The following MYO9A variants were observed in gnomAD, a reference collection of about 807,000 sequenced individuals.
MYO9A encodes unconventional myosin-IXa.
MYO9A carries 103 observed loss-of-function variants against 293.3 expected under a neutral mutation model. The ratio of observed to expected loss-of-function variants is 0.35; its 90% CI spans 0.30 to 0.41. The LOEUF (loss-of-function observed/expected upper bound fraction) is 0.41, where lower values mean the gene tolerates loss of function less well. Among genes scored for constraint, MYO9A ranks in the 10% least tolerant of loss-of-function variants. The pLI is 1.00. For missense variants in MYO9A, 2,685 were observed against 3,033.0 expected, an observed-to-expected ratio of 0.89 and a Z score of 2.69; for synonymous variants, 1,001 against 1,035.7, an observed-to-expected ratio of 0.97 and a Z score of 0.64.
rs566907798 is a variant in MYO9A at position 71,932,794 on chromosome 15, G to T, written c.2562+876C>A. 3.3e-5 allele frequency among the ~76,000 whole-genome samples: 5 copies of T among 152,044 alleles called. No homozygotes were observed. In the South Asian group the frequency reaches 1.0e-3, roughly 32 times the overall value. On this transcript the variant is annotated intron_variant, in intron 18 of 41. Coordinates refer to ENST00000356056, the MANE Select transcript of MYO9A (RefSeq NM_006901.4). The stretch of plus-strand genomic sequence containing the variant: ...ATCTACTACTGCATGTAATTATTTT[G>T]AGATTCATTCACGTTGTTACACGCA...
chr15:72,009,294 C>T (rs2077106342), intron 7 of MYO9A, among the ~76,000 whole-genome samples: 1 of 152,030 alleles, frequency 6.6e-6, no homozygotes, highest in Non-Finnish European at 1.5e-5. Flanking sequence ...TTTTAATTGA[C>T]TTCTCATAAA....
chr15:71,824,972 T>A lies in MYO9A; in HGVS notation c.*1608A>T, dbSNP rs2054411736. The A allele has an allele frequency of 6.6e-6, 1 of 152,036 alleles. No individual in the cohort carries two copies. Among genetic ancestry groups the A allele is most frequent in the Non-Finnish European group, 1.5e-5 (1 of 68,016 alleles). The allele number at this position is 152,036 out of a possible 1,614,324, so 9.4% of individuals were successfully genotyped here. A position where few individuals can be genotyped will look rare whatever the true frequency, so the allele number is the denominator to read the frequency against. ...TAATATTTCCACAACTTCAAAGAAG[T>A]ATGAAAAGGAAGAATACCCAAAATA... On this transcript the variant is annotated 3_prime_UTR_variant, in exon 42 of 42. Coordinates refer to ENST00000356056, the MANE Select transcript of MYO9A (RefSeq NM_006901.4).
chr15:72,029,300 C>T (rs1318290016), intron 3 of MYO9A, among the ~76,000 whole-genome samples: 1 of 152,138 alleles, frequency 6.6e-6, no homozygotes, highest in Non-Finnish European at 1.5e-5. Flanking sequence ...CTGAGAAATG[C>T]ATCATTAGAC....
intron 1 of MYO9A, among the ~76,000 whole-genome samples, chr15:72,077,745 AAAAAAAAAT>A (rs1203417618): frequency 0.011 from 488 of 43,496 alleles, 2 homozygotes; most frequent in African/African-American, 0.016. Context: ...AAAAAAAAAA[AAAAAAAAAT>A]ATATATATAT....
chr15:72,052,149 T>C (rs557859164), intron 1 of MYO9A, among the ~76,000 whole-genome samples: 2 of 151,438 alleles, frequency 1.3e-5, no homozygotes, highest in African/African-American at 2.4e-5. Flanking sequence ...GAGAAGATGA[T>C]GGGACAACCA....
chr15:71,916,462 G>A lies in MYO9A; in HGVS notation c.2593C>T (p.Leu865=), dbSNP rs761628883. 7.5e-6 allele frequency: 12 copies of A among 1,610,340 alleles called. No homozygotes were observed. The highest frequency in any genetic ancestry group is 1.0e-5 in the Non-Finnish European group (12 of 1,178,660). ...CGATCTTGTAGTGTCAGTCTTGTCA[G>A]GTGCTTTAAAGAATTTACTTCTAGC... ...HLLEVNSLKH[L]TRLTLQDRIT... Residue 865 remains leucine, a synonymous_variant, in exon 19 of 42, where the codon CTG becomes TTG. Coordinates refer to ENST00000356056, the MANE Select transcript of MYO9A (RefSeq NM_006901.4).
Position 71,895,414 on chromosome 15 carries a change from A to G in MYO9A, c.5043-1636T>C, listed in dbSNP as rs545035850. On this transcript the variant is annotated intron_variant, in intron 25 of 41. Transcript: ENST00000356056. ...TGTGTACTCATCACCACTACAGTAC[A>G]AAAGGGACACTAACCTAGTATTACT... 1.2e-4 allele frequency among the ~76,000 whole-genome samples: 19 copies of G among 152,342 alleles called. No homozygotes were observed. In the South Asian group the frequency reaches 3.9e-3, roughly 32 times the overall value.
At position 72,108,762 on chromosome 15, in the gene MYO9A, A is replaced by ATTTTTTTTTTTTTTTT. The variant is rs3028363; in HGVS notation, c.-72+8902_-72+8917dup. On this transcript the variant is annotated intron_variant, in intron 1 of 41. Transcript: ENST00000356056. The stretch of plus-strand genomic sequence containing the variant: ...GCAGTAAACTTGTCATGACACATAC[A>ATTTTTTTTTTTTTTTT]TTTTTTTTTTTTTTTTTGAGACAGA... Among the ~76,000 whole-genome samples the ATTTTTTTTTTTTTTTT allele has an allele frequency of 2.9e-5, 4 of 139,242 alleles. 2 individuals carry two copies. The highest frequency in any genetic ancestry group is 3.1e-5 in the Non-Finnish European group (2 of 65,294). 91.3% of individuals were successfully genotyped at this position (139,242 alleles called of 152,430 possible). A position where few individuals can be genotyped will look rare whatever the true frequency, so the allele number is the denominator to read the frequency against.
chr15:72,076,745 T>C (rs139151717), intron 1 of MYO9A, among the ~76,000 whole-genome samples: 44 of 152,276 alleles, frequency 2.9e-4, no homozygotes, highest in African/African-American at 4.8e-4. Context: ...GACAAACTTA[T>C]ATCGTTTATA....
At chr15:72,091,598 C>A (rs1000132173) in intron 1 of MYO9A, among the ~76,000 whole-genome samples, 7 of 151,828 alleles carry the variant, frequency 4.6e-5, no homozygotes, top group Non-Finnish European at 7.4e-5. Context: ...GCCTTAATTT[C>A]TTCATATTCA....
Position 72,027,733 on chromosome 15 carries a change from T to C in MYO9A, c.996A>G (p.Glu332=), listed in dbSNP as rs1596411494. The change falls in exon 4 of 42, where the codon GAA becomes GAG. Residue 332 remains glutamate (E), a splice_region_variant and synonymous_variant. Transcript: ENST00000356056. Reference sequence around the variant, plus strand: ...ATTACACAAATAAAAATACGTACCGTTCATTATGCTCCTGATAAACGAGTC... The same window carrying C: ...ATTACACAAATAAAAATACGTACCGCTCATTATGCTCCTGATAAACGAGTC... ...KSRLVYQEHN[E]RNYHVFYYLL... 2 of 1,604,034 alleles carry C rather than the reference T, an allele frequency of 1.2e-6. No homozygotes were observed. The highest frequency in any genetic ancestry group is 1.7e-6 in the Non-Finnish European group (2 of 1,175,014).
rs1317169490 is a variant in MYO9A at position 72,117,852 on chromosome 15, G to A, written c.-244C>T. 2 of 398,482 alleles carry A rather than the reference G, an allele frequency of 5.0e-6. No homozygotes were observed. The highest frequency in any genetic ancestry group is 8.9e-6 in the Non-Finnish European group (2 of 225,870). 24.7% of individuals were successfully genotyped at this position (398,482 alleles called of 1,614,324 possible). ...CTCAGGGTCCGGGCGAGCGGCCGCG[G>A]CGCATCCCCCGCCCTGTCAGAGAGA... On this transcript the variant is annotated 5_prime_UTR_variant, in exon 1 of 42. Coordinates refer to ENST00000356056, the MANE Select transcript of MYO9A (RefSeq NM_006901.4).
At chr15:71,882,881 T>C (rs1446455516) in intron 28 of MYO9A, among the ~76,000 whole-genome samples, 1 of 152,192 alleles carries the variant, frequency 6.6e-6, no homozygotes, top group African/African-American at 2.4e-5. Context: ...CACAGCTCAC[T>C]GCAGCCTCAA....
chr15:72,089,730 A>G (rs1024610871), intron 1 of MYO9A, among the ~76,000 whole-genome samples: 37 of 152,328 alleles, frequency 2.4e-4, no homozygotes, highest in African/African-American at 8.7e-4. Flanking sequence ...ACAGTGAGCC[A>G]TGATCTCACT....
chr15:71,952,528 C>A (rs1472049932), intron 14 of MYO9A, among the ~76,000 whole-genome samples: 1 of 152,026 alleles, frequency 6.6e-6, no homozygotes, highest in Non-Finnish European at 1.5e-5. Context: ...TAGAAGAGAG[C>A]ACATTCAAGT....
At chr15:71,922,013 T>C (rs1487595515) in intron 18 of MYO9A, among the ~76,000 whole-genome samples, 1 of 152,202 alleles carries the variant, frequency 6.6e-6, no homozygotes, top group Admixed American at 6.5e-5. Context: ...AGTCTCACTC[T>C]GTCGTCCAAG....
rs188185444 is a variant in MYO9A, at chr15:72,032,740, A to G, written c.841-152T>C. On this transcript the variant is annotated intron_variant, in intron 2 of 41. Coordinates refer to ENST00000356056, the MANE Select transcript of MYO9A (RefSeq NM_006901.4). ...TGCTTGTATGTTCAGACTCATTCAC[A>G]GTTCAGGCAAAATTTTTTTAAAAAA... 3.2e-5 allele frequency: 14 copies of G among 432,316 alleles called. No homozygotes were observed. In the East Asian group the frequency reaches 4.9e-4, roughly 15 times the overall value. 26.8% of individuals were successfully genotyped at this position (432,316 alleles called of 1,614,324 possible).
At chr15:71,927,319 T>C (rs956092569) in intron 18 of MYO9A, among the ~76,000 whole-genome samples, 1 of 152,270 alleles carries the variant, frequency 6.6e-6, no homozygotes, top group Non-Finnish European at 1.5e-5. Flanking sequence ...CTCATCATTC[T>C]GTTGATTAGT....
chr15:71,990,009 G>A (rs1456067712), intron 11 of MYO9A, among the ~76,000 whole-genome samples: 1 of 151,728 alleles, frequency 6.6e-6, no homozygotes, highest in Non-Finnish European at 1.5e-5. Context: ...TTGGGCGACA[G>A]AGCAAGAAGA....
Sources: gnomAD v4.1 joint callset for allele counts (sites outside exome capture counted in the v4.1 genomes callset) on GRCh38, gnomAD v4.1.1 for gene constraint, MANE v1.5 for transcripts, NCBI Gene and HGNC (gene_info 2026-07-23, HGNC 2026-07-21) for gene names.